Variants in DOK5 observed in about 807,000 individuals in gnomAD.
DOK5 encodes docking protein 5, also known as downstream of tyrosine kinase 5.
A neutral mutation model predicts 43.3 loss-of-function variants in DOK5; 27 were observed. The observed-to-expected ratio is 0.62, with a 90% CI of 0.46 to 0.86. The LOEUF (loss-of-function observed/expected upper bound fraction) is 0.86. DOK5 is among the 40% of genes least tolerant of loss of function. The probability of loss-of-function intolerance (pLI) is 0.00; values close to 1 mark genes in which losing one functional copy is unlikely to be tolerated. For missense variants in DOK5, 373 were observed against 392.9 expected (o/e 0.95, Z 0.43); for synonymous variants, 146 against 140.1 (o/e 1.04, Z -0.30).
chr20:54,551,149 A>G lies in DOK5; in HGVS notation c.67-3784A>G, dbSNP rs1020198950. The stretch of plus-strand genomic sequence containing the variant: ...TTTAATTTGCCCTTCCCTCAGAGGC[A>G]GTGATATTGAACATGTTTTCATGTG... On this transcript the variant is annotated intron_variant, in intron 1 of 7. Transcript: ENST00000262593. 3.3e-5 allele frequency among the ~76,000 whole-genome samples: 5 copies of G among 152,198 alleles called. No homozygotes were observed. The South Asian group carries it at 1.0e-3, about 32-fold the overall frequency.
chr20:54,550,078 C>T (rs954417502), intron 1 of DOK5, among the ~76,000 whole-genome samples: 10 of 151,724 alleles, frequency 6.6e-5, no homozygotes, highest in South Asian at 6.2e-4. Context: ...GCTGAATCTC[C>T]ACCTGAAAAG....
At chr20:54,625,820 CATTCACACAAATG>C (rs1474438784) in intron 6 of DOK5, among the ~76,000 whole-genome samples, 1 of 152,202 alleles carries the variant, frequency 6.6e-6, no homozygotes, top group African/African-American at 2.4e-5. Context: ...AGGGAATCCC[CATTCACACAAATG>C]ATTCATTCAT....
At chr20:54,529,045 A>C (rs1042765993) in intron 1 of DOK5, among the ~76,000 whole-genome samples, 1 of 152,124 alleles carries the variant, frequency 6.6e-6, no homozygotes, top group Non-Finnish European at 1.5e-5. Context: ...CTGGGTCCTG[A>C]GCAGGGAGAG....
chr20:54,522,806 C>T (rs1421462050), intron 1 of DOK5, among the ~76,000 whole-genome samples: 4 of 152,054 alleles, frequency 2.6e-5, no homozygotes, highest in South Asian at 2.1e-4. Flanking sequence ...TGAGCCACCG[C>T]GCCTGGCCCA....
intron 6 of DOK5, among the ~76,000 whole-genome samples, chr20:54,612,661 C>T (rs1179167736): frequency 1.3e-5 from 2 of 152,142 alleles, no homozygotes; most frequent in African/African-American, 2.4e-5. Flanking sequence ...AGACCAGAAA[C>T]CATCACCATT....
intron 6 of DOK5, among the ~76,000 whole-genome samples, chr20:54,616,956 A>AT (rs1040285259): frequency 2.0e-5 from 3 of 151,238 alleles, no homozygotes; most frequent in Non-Finnish European, 4.4e-5. Flanking sequence ...CACCCGGCTA[A>AT]TTTTTTTGTA....
At chr20:54,519,607 A>G (rs1329921391) in intron 1 of DOK5, among the ~76,000 whole-genome samples, 1 of 152,202 alleles carries the variant, frequency 6.6e-6, no homozygotes, top group African/African-American at 2.4e-5. Context: ...TAAGGCTTAT[A>G]TTCATTTTTT....
intron 1 of DOK5, among the ~76,000 whole-genome samples, chr20:54,500,865 T>C (rs6098027): frequency 0.072 from 10,915 of 151,440 alleles, 1,356 homozygotes; most frequent in African/African-American, 0.25. Context: ...CCCGGCCGTG[T>C]ATATTTTTAA....
chr20:54,631,724 A>T (rs1003269783), intron 6 of DOK5, among the ~76,000 whole-genome samples: 11 of 152,198 alleles, frequency 7.2e-5, no homozygotes, highest in African/African-American at 2.7e-4. Flanking sequence ...CTGTAATCCC[A>T]GCACTTTGGG....
intron 4 of DOK5, among the ~76,000 whole-genome samples, chr20:54,591,135 A>C (rs1241402893): frequency 6.6e-6 from 1 of 152,240 alleles, no homozygotes; most frequent in African/African-American, 2.4e-5. Context: ...AAATGATTGA[A>C]ATACAGTTTT....
At chr20:54,522,083 A>G (rs565248152) in intron 1 of DOK5, among the ~76,000 whole-genome samples, 13 of 152,310 alleles carry the variant, frequency 8.5e-5, no homozygotes, top group Middle Eastern at 3.4e-3. Context: ...GGTCTCATTT[A>G]GCACCCCAAG....
At chr20:54,593,976 A>T (rs1387003844) in intron 5 of DOK5, among the ~76,000 whole-genome samples, 1 of 152,106 alleles carries the variant, frequency 6.6e-6, no homozygotes, top group Non-Finnish European at 1.5e-5. Context: ...AGGGAACAAC[A>T]CATATGGGGC....
At chr20:54,534,696 T>A (rs1169660364) in intron 1 of DOK5, among the ~76,000 whole-genome samples, 2 of 152,106 alleles carry the variant, frequency 1.3e-5, no homozygotes, top group Non-Finnish European at 2.9e-5. Context: ...AGGATGATGA[T>A]ATATTACAAA....
At chr20:54,644,506 C>A (rs1397920951) in intron 7 of DOK5, among the ~76,000 whole-genome samples, 1 of 151,854 alleles carries the variant, frequency 6.6e-6, no homozygotes, top group Non-Finnish European at 1.5e-5. Flanking sequence ...AGATCGAGAC[C>A]ATCCTGGCTA....
intron 6 of DOK5, among the ~76,000 whole-genome samples, chr20:54,637,794 C>T (rs924140328): frequency 6.6e-6 from 1 of 152,218 alleles, no homozygotes; most frequent in Admixed American, 6.5e-5. Flanking sequence ...AAGGCTCTAG[C>T]TAGGTGCTGG....
chr20:54,551,372 G>C (rs552403111), intron 1 of DOK5, among the ~76,000 whole-genome samples: 1 of 152,244 alleles, frequency 6.6e-6, no homozygotes, highest in South Asian at 2.1e-4. Flanking sequence ...CCTCTTCACA[G>C]AGTTTTTCAC....
At chr20:54,597,848 A>C (rs1482933785) in intron 5 of DOK5, among the ~76,000 whole-genome samples, 1 of 152,256 alleles carries the variant, frequency 6.6e-6, no homozygotes, top group Non-Finnish European at 1.5e-5. Flanking sequence ...AAGCATGCTT[A>C]CATAACCAAA....
intron 2 of DOK5, among the ~76,000 whole-genome samples, chr20:54,582,917 C>A (rs1406716216): frequency 1.3e-5 from 2 of 151,842 alleles, no homozygotes; most frequent in Non-Finnish European, 2.9e-5. Context: ...TTATTTTGGG[C>A]ATAGTTTGCT....
At chr20:54,553,561 A>T (rs6091919) in intron 1 of DOK5, among the ~76,000 whole-genome samples, 5 of 151,256 alleles carry the variant, frequency 3.3e-5, no homozygotes, top group African/African-American at 1.2e-4. Flanking sequence ...CGAGTATAAT[A>T]GTGCCACTCA....
Sources: gnomAD v4.1 joint callset for allele counts (sites outside exome capture counted in the v4.1 genomes callset) on GRCh38, gnomAD v4.1.1 for gene constraint, MANE v1.5 for transcripts, NCBI Gene and HGNC (gene_info 2026-07-23, HGNC 2026-07-21) for gene names.